Variants in RSU1 observed in about 807,000 individuals in gnomAD.
RSU1 encodes the protein Ras suppressor protein 1.
RSU1 carries 26 observed loss-of-function variants against 31.1 expected under a neutral mutation model. The observed-to-expected ratio is 0.84, with a 90% confidence interval of 0.61 to 1.16. The LOEUF (loss-of-function observed/expected upper bound fraction) is 1.16, where lower values mean the gene tolerates loss of function less well. RSU1 is among the 50% of genes most tolerant of loss of function. RSU1 has a pLI of 0.00. For synonymous variants in RSU1, 164 were observed against 136.3 expected (o/e 1.20, Z -1.41); for missense variants, 320 against 339.1 (o/e 0.94, Z 0.44).
At chr10:16,796,168 G>C (rs1173311325) in intron 2 of RSU1, among the ~76,000 whole-genome samples, 4 of 152,046 alleles carry the variant, frequency 2.6e-5, no homozygotes, top group African/African-American at 9.7e-5. Context: ...AACATGATTT[G>C]GTCTCGTAGG....
intron 8 of RSU1, among the ~76,000 whole-genome samples, chr10:16,661,540 T>C (rs186261055): frequency 1.3e-5 from 2 of 152,282 alleles, no homozygotes; most frequent in East Asian, 3.9e-4. Flanking sequence ...AACATTAAGC[T>C]TATAGTCACA....
At chr10:16,654,827 G>C (rs1834749194) in intron 8 of RSU1, among the ~76,000 whole-genome samples, 1 of 152,006 alleles carries the variant, frequency 6.6e-6, no homozygotes, top group Admixed American at 6.6e-5. Context: ...TGGAAGCCAA[G>C]GTGGGAGGAT....
intron 3 of RSU1, among the ~76,000 whole-genome samples, chr10:16,766,995 C>T (rs1412306896): frequency 1.3e-5 from 2 of 148,862 alleles, no homozygotes; most frequent in Non-Finnish European, 3.0e-5. Context: ...CACTCCAGCC[C>T]GGGTGACAAG....
intron 2 of RSU1, among the ~76,000 whole-genome samples, chr10:16,815,984 T>C (rs1434044402): frequency 6.6e-6 from 1 of 152,132 alleles, no homozygotes; most frequent in East Asian, 1.9e-4. Context: ...GTGTTCAGAT[T>C]CAGAAAGGCC....
At chr10:16,754,064 C>G (rs1430677867) in intron 5 of RSU1, among the ~76,000 whole-genome samples, 1 of 152,140 alleles carries the variant, frequency 6.6e-6, no homozygotes, top group Non-Finnish European at 1.5e-5. Context: ...AGTTGCTCCA[C>G]TGCCCAAGAA....
chr10:16,621,727 A>G (rs1032590928), intron 8 of RSU1, among the ~76,000 whole-genome samples: 3 of 152,170 alleles, frequency 2.0e-5, no homozygotes, highest in African/African-American at 7.2e-5. Context: ...AGACTTATTC[A>G]CTATCACAAG....
intron 8 of RSU1, among the ~76,000 whole-genome samples, chr10:16,663,773 T>A (rs1022671326): frequency 1.3e-5 from 2 of 152,216 alleles, no homozygotes; most frequent in Non-Finnish European, 2.9e-5. Flanking sequence ...CTTTTCACTT[T>A]CACCTCAACT....
At chr10:16,704,191 T>C (rs1347299306) in intron 7 of RSU1, among the ~76,000 whole-genome samples, 2 of 152,200 alleles carry the variant, frequency 1.3e-5, no homozygotes, top group South Asian at 2.1e-4. Flanking sequence ...CTATCACAAG[T>C]TCTACAAAGG....
chr10:16,630,812 C>A (rs1019869650), intron 8 of RSU1, among the ~76,000 whole-genome samples: 11 of 152,176 alleles, frequency 7.2e-5, no homozygotes, highest in African/African-American at 2.7e-4. Context: ...TCTGAGAACA[C>A]CTCCCAAATG....
intron 7 of RSU1, among the ~76,000 whole-genome samples, chr10:16,711,975 C>T (rs535506105): frequency 6.6e-6 from 1 of 152,088 alleles, no homozygotes; most frequent in Non-Finnish European, 1.5e-5. Flanking sequence ...TGATCTGTAC[C>T]TTTATGTGCA....
chr10:16,772,610 A>C (rs948323465), intron 3 of RSU1, among the ~76,000 whole-genome samples: 1 of 148,130 alleles, frequency 6.8e-6, no homozygotes, highest in African/African-American at 2.6e-5. Context: ...AGAAAATTCC[A>C]AAACACTGGA....
intron 8 of RSU1, among the ~76,000 whole-genome samples, chr10:16,639,043 G>A (rs577538105): frequency 8.5e-5 from 13 of 152,258 alleles, no homozygotes; most frequent in African/African-American, 2.4e-4. Context: ...CAGTTATTTC[G>A]TTGTGATCCT....
chr10:16,817,336 C>T lies in RSU1; in HGVS notation c.-25G>A, dbSNP rs1130684. The T allele has an allele frequency of 1.1e-5, 5 of 461,786 alleles. No individual in the cohort carries two copies. The highest frequency in any genetic ancestry group is 2.7e-5 in the South Asian group (1 of 36,842). The allele number at this position is 461,786 out of a possible 1,614,324, so 28.6% of individuals were successfully genotyped here. On this transcript the variant is annotated 5_prime_UTR_variant, in exon 1 of 9. Coordinates refer to ENST00000345264, the MANE Select transcript of RSU1 (RefSeq NM_012425.4). ...TCACCACGGAAGGTAGCCCCTAAGA[C>T]GATGGGCGTGCAACCACAAGCTTCG...
intron 7 of RSU1, among the ~76,000 whole-genome samples, chr10:16,725,673 G>T (rs991059389): frequency 5.3e-5 from 8 of 151,482 alleles, no homozygotes; most frequent in Non-Finnish European, 2.9e-5. Context: ...AGGATGCAGT[G>T]TCACCAGATG....
At chr10:16,714,165 T>C (rs1340325320) in intron 7 of RSU1, among the ~76,000 whole-genome samples, 1 of 152,090 alleles carries the variant, frequency 6.6e-6, no homozygotes, top group African/African-American at 2.4e-5. Flanking sequence ...TGCATATGGG[T>C]GTGGCTAGCT....
At chr10:16,602,825 A>G (rs1208913169) in intron 8 of RSU1, among the ~76,000 whole-genome samples, 1 of 152,248 alleles carries the variant, frequency 6.6e-6, no homozygotes, top group Non-Finnish European at 1.5e-5. Context: ...ATCTTCCGGT[A>G]GGATGCTAAA....
At chr10:16,612,651 A>G (rs559903755) in intron 8 of RSU1, among the ~76,000 whole-genome samples, 182 of 152,308 alleles carry the variant, frequency 1.2e-3, no homozygotes, top group Non-Finnish European at 2.0e-3. Context: ...AACACTGATC[A>G]TAAGTTAAGC....
chr10:16,816,140 T>C lies in RSU1; in HGVS notation c.109+833A>G, dbSNP rs552819389. 3.3e-5 allele frequency among the ~76,000 whole-genome samples: 5 copies of C among 152,350 alleles called. No homozygotes were observed. In the South Asian group the frequency reaches 1.0e-3, roughly 32 times the overall value. ...CAGGTTTTTCAAATATTAGAATTAG[T>C]AGCCAACATCTAAAAATTAGCAAAT... On this transcript the variant is annotated intron_variant, in intron 2 of 8. Coordinates refer to ENST00000345264, the MANE Select transcript of RSU1 (RefSeq NM_012425.4).
intron 7 of RSU1, among the ~76,000 whole-genome samples, chr10:16,700,618 T>A (rs1291524827): frequency 2.6e-5 from 4 of 152,220 alleles, no homozygotes; most frequent in Admixed American, 2.6e-4. Flanking sequence ...ATTATAGCAG[T>A]GCATGATTAC....
Sources: gnomAD v4.1 joint callset for allele counts (sites outside exome capture counted in the v4.1 genomes callset) on GRCh38, gnomAD v4.1.1 for gene constraint, MANE v1.5 for transcripts, NCBI Gene and HGNC (gene_info 2026-07-23, HGNC 2026-07-21) for gene names.